MTRR: variants seen among roughly 807,000 people sequenced by gnomAD.
MTRR encodes methionine synthase reductase.
In MTRR, 63 loss-of-function variants were observed where a neutral mutation model predicts 79.2. The observed-to-expected ratio is 0.80, with a 90% confidence interval of 0.65 to 0.98. MTRR has a LOEUF of 0.98. MTRR is among the 50% of genes least tolerant of loss of function. The probability of loss-of-function intolerance (pLI) is 0.00; values close to 1 mark genes in which losing one functional copy is unlikely to be tolerated. For synonymous variants in MTRR, 355 were observed against 313.3 expected (o/e 1.13, Z -1.41); for missense variants, 895 against 839.6 (o/e 1.07, Z -0.82).
chr5:7,853,913 C>T (rs1746148037), intron 1 of MTRR, among the ~76,000 whole-genome samples: 1 of 151,976 alleles, frequency 6.6e-6, no homozygotes, highest in Non-Finnish European at 1.5e-5. Context: ...GAGTCATAGC[C>T]CCACGGAATG....
intron 9 of MTRR, chr5:7,890,262 GT>G: frequency 1.0e-6 from 1 of 985,186 alleles, no homozygotes; most frequent in Non-Finnish European, 1.2e-6. Flanking sequence ...TTTTCTTAGT[GT>G]TTTTTCCACT....
intron 9 of MTRR, among the ~76,000 whole-genome samples, chr5:7,889,995 G>T: frequency 6.6e-6 from 1 of 152,104 alleles, no homozygotes; most frequent in Non-Finnish European, 1.5e-5. Flanking sequence ...TCTCAGGAAG[G>T]GATTGAAAAT....
intron 12 of MTRR, 54 bp from the exon 13 acceptor site, chr5:7,896,810 T>C: frequency 1.5e-6 from 2 of 1,378,336 alleles, no homozygotes; most frequent in Non-Finnish European, 2.1e-6. Context: ...TGAAAGAGAT[T>C]GGTTTTACAT....
At chr5:7,879,035 A>G (rs1299642279) in intron 5 of MTRR, among the ~76,000 whole-genome samples, 2 of 152,144 alleles carry the variant, frequency 1.3e-5, no homozygotes, top group East Asian at 3.8e-4. Context: ...TTTCTTGTAT[A>G]TTAGCACTGT....
At chr5:7,884,374 A>G (rs920948636) in intron 6 of MTRR, among the ~76,000 whole-genome samples, 1 of 152,174 alleles carries the variant, frequency 6.6e-6, no homozygotes, top group African/African-American at 2.4e-5. Context: ...CTTATGTAAA[A>G]TGTTACAGTA....
intron 5 of MTRR, among the ~76,000 whole-genome samples, chr5:7,882,573 A>G (rs1318728289): frequency 6.6e-6 from 1 of 152,248 alleles, no homozygotes; most frequent in Admixed American, 6.5e-5. Context: ...AGTATTATAA[A>G]GAACTGGGAT....
At chr5:7,856,777 T>A (rs1394201278) in intron 1 of MTRR, 1 of 151,580 alleles carries the variant, frequency 6.6e-6, no homozygotes, top group Non-Finnish European at 1.5e-5. Context: ...TTTATTTATT[T>A]TTTTTTTAGG....
upstream of MTRR, chr5:7,865,853 C>T (rs371910336): frequency 7.0e-7 from 1 of 1,426,260 alleles, no homozygotes; most frequent in East Asian, 2.3e-5. Context: ...TAAAAGGAAA[C>T]TGCACCCATG....
In MTRR at chr5:7,895,854, T is replaced by C; in HGVS notation, c.1676+2T>C. ...GTTTATTGGGTTCCTACAACATAGG[T>C]ATGTTCTTTTTTTGGCTAATGGGAA... On this transcript the variant is annotated splice_donor_variant, in intron 12 of 14. Coordinates refer to ENST00000440940, the MANE Select transcript of MTRR (RefSeq NM_002454.3). LOFTEE classifies it high-confidence loss of function. The C allele has an allele frequency of 2.5e-6, 4 of 1,614,040 alleles. No individual in the cohort carries two copies. The Middle Eastern group carries it at 6.6e-4, about 266-fold the overall frequency.
Position 7,878,273 on chromosome 5 carries a change from G to C in MTRR, c.731G>C (p.Gly244Ala), listed in dbSNP as rs764892747. ...PLSQASLNIPGLPPEYLQVHL... is the reference protein window; with the variant it reads ...PLSQASLNIPALPPEYLQVHL... The stretch of plus-strand genomic sequence containing the variant: ...TCACAAGCCTCTCTGAATATTCCTG[G>C]TTTACCCCCAGAATATTTACAGGTA... The change falls in exon 5 of 15, where the codon GGT becomes GCT. Residue 244 changes from glycine to alanine, a missense_variant. By Grantham distance (60) the Gly-to-Ala change is moderately conservative (BLOSUM62 0). Coordinates refer to ENST00000440940, the MANE Select transcript of MTRR (RefSeq NM_002454.3). 8.7e-6 allele frequency: 14 copies of C among 1,614,178 alleles called. No individual in the cohort carries two copies. Among genetic ancestry groups the C allele is most frequent in the Middle Eastern group, 1.6e-4 (1 of 6,062 alleles).
chr5:7,860,521 G>T (rs973118955), intron 1 of MTRR, among the ~76,000 whole-genome samples: 3 of 152,130 alleles, frequency 2.0e-5, no homozygotes, highest in East Asian at 1.9e-4. Flanking sequence ...ATATAGGTAG[G>T]CCCCACTTTT....
At chr5:7,861,086 TG>T (rs1407935235) in intron 1 of MTRR, 3 of 1,017,482 alleles carry the variant, frequency 2.9e-6, no homozygotes, top group African/African-American at 1.6e-5. Flanking sequence ...AAAAGTAACC[TG>T]GAAAAATAAT....
rs978020782 is a variant in MTRR, at chr5:7,869,168, TG to T, written c.-71del. 6.2e-7 allele frequency: 1 copy of T among 1,612,502 alleles called. No homozygotes were observed. Among genetic ancestry groups the T allele is most frequent in the Admixed American group, 1.7e-5 (1 of 59,998 alleles). On this transcript the variant is annotated 5_prime_UTR_variant, in exon 1 of 15. Coordinates refer to ENST00000440940, the MANE Select transcript of MTRR (RefSeq NM_002454.3). ...GCGTCAGTGCGCGCTGGCGCAAGGT[TG>T]GTGGAAGTCGCGTTGTGCAGGTTCG...
At chr5:7,875,112 C>T in intron 3 of MTRR, 146 bp from the exon 4 acceptor site, 1 of 693,722 alleles carries the variant, frequency 1.4e-6, no homozygotes, top group Non-Finnish European at 2.6e-6. Flanking sequence ...TAGAATTACT[C>T]AAGGAAAATA....
intron 3 of MTRR, among the ~76,000 whole-genome samples, chr5:7,873,985 A>T (rs143873589): frequency 6.6e-6 from 1 of 152,308 alleles, no homozygotes; most frequent in Non-Finnish European, 1.5e-5. Flanking sequence ...TAGCTAGGGG[A>T]GTTTTTACTA....
chr5:7,880,861 T>C (rs1401314622), intron 5 of MTRR, among the ~76,000 whole-genome samples: 16 of 152,206 alleles, frequency 1.1e-4, no homozygotes, highest in Admixed American at 1.0e-3. Context: ...TTTGGGTCCC[T>C]GGGTAACAAC....
chr5:7,889,380 A>G (rs904722347), intron 9 of MTRR, 105 bp downstream of exon 9: 1 of 1,180,556 alleles, frequency 8.5e-7, no homozygotes, highest in Non-Finnish European at 1.2e-6. Context: ...TACCCTTTGT[A>G]TCCTATGCCT....
At chr5:7,896,307 A>G (rs1483639633) in intron 12 of MTRR, 1 of 183,572 alleles carries the variant, frequency 5.4e-6, no homozygotes, top group African/African-American at 2.4e-5. Flanking sequence ...TTGATATGAA[A>G]TAAGTAAAAT....
chr5:7,852,152 G>A (rs1178560099), intron 1 of MTRR, among the ~76,000 whole-genome samples: 1 of 152,204 alleles, frequency 6.6e-6, no homozygotes, highest in Non-Finnish European at 1.5e-5. Flanking sequence ...GTGGGGGCCT[G>A]ATGGAGAGAT....
Sources: gnomAD v4.1 joint callset for allele counts (sites outside exome capture counted in the v4.1 genomes callset) on GRCh38, gnomAD v4.1.1 for gene constraint, MANE v1.5 for transcripts, NCBI Gene and HGNC (gene_info 2026-07-23, HGNC 2026-07-21) for gene names.